The following SEMA6D variants were observed in gnomAD, a reference collection of about 807,000 sequenced individuals.
The protein encoded by SEMA6D is semaphorin 6D, also known as semaphorin-6D.
In SEMA6D, 35 loss-of-function variants were observed where a neutral mutation model predicts 106.6. The ratio of observed to expected loss-of-function variants is 0.33; its 90% CI spans 0.25 to 0.44. SEMA6D has a LOEUF of 0.44. Among genes scored for constraint, SEMA6D ranks in the 20% least tolerant of loss-of-function variants. The pLI is 1.00. For missense variants in SEMA6D, 1,185 were observed against 1,345.9 expected, an observed-to-expected ratio of 0.88 and a Z score of 1.87; for synonymous variants, 499 against 487.7, an observed-to-expected ratio of 1.02 and a Z score of -0.31.
At chr15:47,657,322 A>G (rs16959900) in intron 4 of SEMA6D, among the ~76,000 whole-genome samples, 8,072 of 152,244 alleles carry the variant, frequency 0.053, 716 homozygotes, top group African/African-American at 0.19. Flanking sequence ...AGTTCTGTAT[A>G]AAGAAACAAT....
chr15:47,410,062 C>A (rs1166422528), intron 1 of SEMA6D, among the ~76,000 whole-genome samples: 1 of 152,112 alleles, frequency 6.6e-6, no homozygotes, highest in East Asian at 1.9e-4. Flanking sequence ...GCAGCCTCAA[C>A]CTCCTGGGCT....
chr15:47,471,724 G>T (rs2042844549), intron 3 of SEMA6D, among the ~76,000 whole-genome samples: 1 of 152,156 alleles, frequency 6.6e-6, no homozygotes, highest in African/African-American at 2.4e-5. Context: ...GGAGGAGCTA[G>T]ATTACAAGGT....
intron 2 of SEMA6D, among the ~76,000 whole-genome samples, chr15:47,426,759 A>G (rs1364353774): frequency 2.0e-5 from 3 of 152,160 alleles, no homozygotes; most frequent in Non-Finnish European, 4.4e-5. Flanking sequence ...GTAAAGCCCA[A>G]TGCTAGAAAG....
At chr15:47,663,605 G>A (rs111267754) in intron 4 of SEMA6D, among the ~76,000 whole-genome samples, 2,145 of 152,266 alleles carry the variant, frequency 0.014, 51 homozygotes, top group African/African-American at 0.049. Flanking sequence ...CTAGAGGGGA[G>A]TATAGGGAAT....
chr15:47,543,024 T>C (rs1288476903), intron 3 of SEMA6D, among the ~76,000 whole-genome samples: 2 of 152,150 alleles, frequency 1.3e-5, no homozygotes, highest in African/African-American at 4.8e-5. Context: ...TAGGTATCTG[T>C]TTAGACCTTT....
chr15:47,599,238 G>A (rs954598417), intron 3 of SEMA6D, among the ~76,000 whole-genome samples: 4 of 152,098 alleles, frequency 2.6e-5, no homozygotes, highest in Non-Finnish European at 5.9e-5. Context: ...AGGGTCTGAG[G>A]TAACATCAGA....
chr15:47,688,302 C>A (rs2078513185), intron 4 of SEMA6D, among the ~76,000 whole-genome samples: 1 of 152,054 alleles, frequency 6.6e-6, no homozygotes. Flanking sequence ...GGGTGCCATA[C>A]TAGAAGCAGC....
At chr15:47,471,925 TCTCTCTCA>T (rs1227000697) in intron 3 of SEMA6D, among the ~76,000 whole-genome samples, 12 of 127,656 alleles carry the variant, frequency 9.4e-5, no homozygotes, top group African/African-American at 2.5e-4. Context: ...TCTCTCTCTC[TCTCTCTCA>T]CACACACACA....
intron 1 of SEMA6D, among the ~76,000 whole-genome samples, chr15:47,273,499 A>G (rs924386952): frequency 6.6e-6 from 1 of 152,206 alleles, no homozygotes; most frequent in Non-Finnish European, 1.5e-5. Context: ...CACTTAAATG[A>G]TCAGTTGGCC....
chr15:47,458,782 A>T (rs2042416678), intron 2 of SEMA6D, among the ~76,000 whole-genome samples: 2 of 152,092 alleles, frequency 1.3e-5, no homozygotes, highest in African/African-American at 4.8e-5. Flanking sequence ...AATCAATGGC[A>T]TATGCTTCCA....
Position 47,724,759 on chromosome 15 carries a change from G to A in SEMA6D, c.-55+7067G>A, listed in dbSNP as rs144312878. Among the ~76,000 whole-genome samples, 889 of 152,286 alleles carry A rather than the reference G, an allele frequency of 5.8e-3. 5 individuals are homozygous for A. Among genetic ancestry groups the A allele is most frequent in the Admixed American group, 0.02 (303 of 15,302 alleles). On this transcript the variant is annotated intron_variant, in intron 1 of 18. Coordinates refer to ENST00000536845, the MANE Select transcript of SEMA6D (RefSeq NM_001358351.3). ...TGCAATCCACAAATATTTATTGAGCGTCTCTGGTCTACTATACTTAGCCAT... is the reference window on the plus strand; with the variant it reads ...TGCAATCCACAAATATTTATTGAGCATCTCTGGTCTACTATACTTAGCCAT...
At chr15:47,210,813 G>A (rs1197770747) in intron 1 of SEMA6D, among the ~76,000 whole-genome samples, 2 of 149,404 alleles carry the variant, frequency 1.3e-5, no homozygotes, top group African/African-American at 2.5e-5. Flanking sequence ...GTGTGAATCT[G>A]GCTGCGAAAA....
intron 1 of SEMA6D, among the ~76,000 whole-genome samples, chr15:47,367,903 G>T (rs2039120450): frequency 6.6e-6 from 1 of 151,788 alleles, no homozygotes; most frequent in East Asian, 1.9e-4. Flanking sequence ...AAAAATTCCA[G>T]TTTAGCTTTG....
chr15:47,367,512 A>C (rs1346452008), intron 1 of SEMA6D, among the ~76,000 whole-genome samples: 4 of 152,036 alleles, frequency 2.6e-5, no homozygotes, highest in African/African-American at 7.3e-5. Flanking sequence ...TGGGGCATTT[A>C]ATTTCTGGTT....
chr15:47,307,773 G>T (rs913744839), intron 1 of SEMA6D, among the ~76,000 whole-genome samples: 1 of 152,098 alleles, frequency 6.6e-6, no homozygotes, highest in African/African-American at 2.4e-5. Context: ...ATGTCTTTTA[G>T]TTTCCTTGCA....
intron 4 of SEMA6D, among the ~76,000 whole-genome samples, chr15:47,699,234 C>G (rs2078761034): frequency 6.6e-6 from 1 of 152,158 alleles, no homozygotes; most frequent in African/African-American, 2.4e-5. Context: ...AACCTTCACA[C>G]AATCATAGGA....
intron 3 of SEMA6D, among the ~76,000 whole-genome samples, chr15:47,560,517 A>C (rs1443485348): frequency 6.6e-6 from 1 of 152,068 alleles, no homozygotes; most frequent in Non-Finnish European, 1.5e-5. Context: ...ATCCAGTCTG[A>C]AGAACAGAGA....
At chr15:47,714,468 T>C (rs2079074156), upstream of SEMA6D, among the ~76,000 whole-genome samples, 1 of 152,224 alleles carries the variant, frequency 6.6e-6, no homozygotes, top group Non-Finnish European at 1.5e-5. Context: ...AGTTGTACTT[T>C]CTGATGACTG....
intron 1 of SEMA6D, among the ~76,000 whole-genome samples, chr15:47,304,020 T>TACATTTAAATACACC (rs1380144224): frequency 6.6e-6 from 1 of 152,186 alleles, no homozygotes; most frequent in African/African-American, 2.4e-5. Flanking sequence ...TGGAGGGTGT[T>TACATTTAAATACACC]ACATTTAAAT....
Sources: allele counts gnomAD v4.1 joint callset (sites outside exome capture counted in the v4.1 genomes callset), GRCh38; gene constraint gnomAD v4.1.1; transcripts MANE v1.5; gene names NCBI Gene and HGNC (gene_info 2026-07-23, HGNC 2026-07-21).